The following KRT8 variants were observed in gnomAD, a reference collection of about 807,000 sequenced individuals.
KRT8 encodes the protein keratin, type II cytoskeletal 8.
A neutral mutation model predicts 43.0 loss-of-function variants in KRT8; 24 were observed. The ratio of observed to expected loss-of-function variants is 0.56; its 90% CI spans 0.40 to 0.78. The LOEUF is 0.78. Ranked by LOEUF, KRT8 falls within the 30% of genes least tolerant of loss-of-function variation. The pLI is 0.00. For synonymous variants in KRT8, 214 were observed against 261.2 expected (o/e 0.82, Z 1.74); for missense variants, 492 against 638.4 (o/e 0.77, Z 2.47).
At chr12:52,918,249 A>AGAAGAAGAAGAAGAC (rs1565725915) in intron 2 of KRT8, among the ~76,000 whole-genome samples, 1 of 151,772 alleles carries the variant, frequency 6.6e-6, no homozygotes, top group Admixed American at 6.6e-5. Flanking sequence ...AAGAAGAAGA[A>AGAAGAAGAAGAAGAC]GAAGAAGAAA....
At chr12:52,936,560 TGG>T (rs997022091) in intron 2 of KRT8, among the ~76,000 whole-genome samples, 40 of 152,182 alleles carry the variant, frequency 2.6e-4, no homozygotes, top group Non-Finnish European at 2.8e-4. Context: ...TTGCCCAGGC[TGG>T]AGTGCAATGG....
chr12:52,948,097 C>G (rs1160015951), intron 2 of KRT8: 1 of 152,012 alleles, frequency 6.6e-6, no homozygotes, highest in South Asian at 2.1e-4. Flanking sequence ...GGAGTGAGGT[C>G]GGGAGAGGGG....
At chr12:52,932,747 T>G (rs1162236506) in intron 2 of KRT8, among the ~76,000 whole-genome samples, 1 of 151,886 alleles carries the variant, frequency 6.6e-6, no homozygotes, top group Admixed American at 6.6e-5. Flanking sequence ...AAGGCTTCAG[T>G]GAGCTATGAT....
chr12:52,899,021 A>G (rs530064904), intron 5 of KRT8, 122 bp from the exon 6 acceptor site: 5 of 862,240 alleles, frequency 5.8e-6, no homozygotes, highest in Non-Finnish European at 9.4e-6. Flanking sequence ...GCTCAAATTA[A>G]ATGAGACTAA....
chr12:52,921,235 C>T (rs555709088), intron 2 of KRT8, among the ~76,000 whole-genome samples: 1 of 152,298 alleles, frequency 6.6e-6, no homozygotes, highest in Admixed American at 6.5e-5. Context: ...CACATTCTAC[C>T]TTCTCTCTCC....
intron 2 of KRT8, among the ~76,000 whole-genome samples, chr12:52,920,510 T>C (rs1196048672): frequency 1.3e-5 from 2 of 152,032 alleles, no homozygotes; most frequent in Non-Finnish European, 2.9e-5. Context: ...GGCAGGCGAA[T>C]TGATTGAACC....
rs142761946 is a variant in KRT8 at position 52,917,020 on chromosome 12, A to G, written c.-46-11993T>C. On this transcript the variant is annotated intron_variant, in intron 2 of 6. Coordinates refer to the KRT8 transcript ENST00000546826. ...TGACCCAAGGGATATAACCAGCACCAATAGGAAGGATTCCCCCAGAGAGAG... is the reference window on the plus strand; with the variant it reads ...TGACCCAAGGGATATAACCAGCACCGATAGGAAGGATTCCCCCAGAGAGAG... Among the ~76,000 whole-genome samples the G allele has an allele frequency of 6.1e-4, 93 of 152,292 alleles. 1 individual carries two copies. Among genetic ancestry groups the G allele is most frequent in the Admixed American group, 1.8e-3 (27 of 15,288 alleles).
intron 2 of KRT8, among the ~76,000 whole-genome samples, chr12:52,919,928 G>A (rs903348161): frequency 6.6e-6 from 1 of 152,154 alleles, no homozygotes; most frequent in African/African-American, 2.4e-5. Context: ...GATTACAGGC[G>A]TGAGCCACCG....
chr12:52,938,621 A>ATT (rs113138799), intron 2 of KRT8, among the ~76,000 whole-genome samples: 73 of 146,128 alleles, frequency 5.0e-4, no homozygotes, highest in East Asian at 1.2e-3. Flanking sequence ...CTACAAAAGA[A>ATT]TTTTTTTTTT....
chr12:52,914,010 G>A (rs1048945921), intron 2 of KRT8, among the ~76,000 whole-genome samples: 1 of 152,184 alleles, frequency 6.6e-6, no homozygotes, highest in Non-Finnish European at 1.5e-5. Context: ...ATTACCTGAA[G>A]TCAGGAGATC....
At chr12:52,900,867 C>A in intron 3 of KRT8, 184 bp from the exon 4 acceptor site, 1 of 649,382 alleles carries the variant, frequency 1.5e-6, no homozygotes, top group South Asian at 1.7e-5. Context: ...TTCACCTCTG[C>A]TTCCTGCAAC....
intron 2 of KRT8, among the ~76,000 whole-genome samples, chr12:52,915,286 T>A (rs1941713547): frequency 6.6e-6 from 1 of 150,636 alleles, no homozygotes; most frequent in Non-Finnish European, 1.5e-5. Context: ...GGCAGGAGAA[T>A]GGCGTGAACC....
intron 2 of KRT8, 173 bp from the exon 3 acceptor site, chr12:52,901,392 C>T (rs980816467): frequency 1.5e-6 from 1 of 672,032 alleles, no homozygotes; most frequent in South Asian, 1.6e-5. Context: ...CTCACCCCTC[C>T]CTTAGCCCGT....
intron 2 of KRT8, among the ~76,000 whole-genome samples, chr12:52,919,520 A>G (rs1941842864): frequency 6.6e-6 from 1 of 152,106 alleles, no homozygotes; most frequent in African/African-American, 2.4e-5. Flanking sequence ...TGCTCGCCTC[A>G]GCCTCCCAAA....
intron 5 of KRT8, 187 bp from the exon 6 acceptor site, chr12:52,899,086 G>A (rs533590792): frequency 5.0e-4 from 308 of 621,622 alleles, no homozygotes; most frequent in Non-Finnish European, 6.3e-4. Context: ...AGGCCGAGGC[G>A]GGCAGATCAC....
intron 2 of KRT8, among the ~76,000 whole-genome samples, chr12:52,934,220 C>T (rs1453006262): frequency 1.3e-5 from 2 of 150,314 alleles, no homozygotes; most frequent in Non-Finnish European, 3.0e-5. Flanking sequence ...CAGAGTGAAA[C>T]TTCATCTCAG....
At chr12:52,898,941 C>G in intron 5 of KRT8, 42 bp from the exon 6 acceptor site, 1 of 1,574,590 alleles carries the variant, frequency 6.4e-7, no homozygotes. Context: ...GTTGGGTATG[C>G]CTTCTCTTCT....
At chr12:52,945,278 G>C (rs984930842) in intron 2 of KRT8, among the ~76,000 whole-genome samples, 3 of 152,086 alleles carry the variant, frequency 2.0e-5, no homozygotes, top group Non-Finnish European at 4.4e-5. Context: ...GGAGCCCAGG[G>C]GAGCCTCCCA....
chr12:52,903,945 G>T (rs1285563962), intron 1 of KRT8, among the ~76,000 whole-genome samples: 4 of 148,818 alleles, frequency 2.7e-5, no homozygotes, highest in Non-Finnish European at 5.9e-5. Context: ...ACTGCTGCCC[G>T]CAGCCCCTCA....
Sources: allele counts gnomAD v4.1 joint callset (sites outside exome capture counted in the v4.1 genomes callset), GRCh38; gene constraint gnomAD v4.1.1; transcripts MANE v1.5; gene names NCBI Gene and HGNC (gene_info 2026-07-23, HGNC 2026-07-21).